The following PIK3C2G variants were observed in gnomAD, a reference collection of about 807,000 sequenced individuals.
PIK3C2G encodes phosphatidylinositol 3-kinase C2 domain-containing subunit gamma.
PIK3C2G carries 168 observed loss-of-function variants against 181.1 expected under a neutral mutation model. That is an observed-to-expected ratio of 0.93 (90% CI 0.82 to 1.05). PIK3C2G has a LOEUF of 1.05. Among genes scored for constraint, PIK3C2G ranks in the 50% least tolerant of loss-of-function variants. The pLI, the probability that PIK3C2G is intolerant of heterozygous loss-of-function variation, is 0.00. For missense variants in PIK3C2G, 1,869 were observed against 1,732.8 expected, an observed-to-expected ratio of 1.08 and a Z score of -1.40; for synonymous variants, 573 against 592.2, an observed-to-expected ratio of 0.97 and a Z score of 0.47.
At chr12:18,527,686 A>C (rs1943316678) in intron 24 of PIK3C2G, among the ~76,000 whole-genome samples, 1 of 152,184 alleles carries the variant, frequency 6.6e-6, no homozygotes, top group African/African-American at 2.4e-5. Flanking sequence ...AAAGAAAAAA[A>C]AAAAGTGGGC....
At chr12:18,426,555 C>A (rs1259302448) in intron 18 of PIK3C2G, among the ~76,000 whole-genome samples, 1 of 152,086 alleles carries the variant, frequency 6.6e-6, no homozygotes, top group Non-Finnish European at 1.5e-5. Flanking sequence ...AAAGTTTTAA[C>A]AATTATAAGT....
Position 18,562,869 on chromosome 12 carries a change from G to A in PIK3C2G, c.3757G>A (p.Gly1253Arg). 2 of 1,601,068 alleles carry A rather than the reference G, an allele frequency of 1.2e-6. No individual in the cohort carries two copies. Among genetic ancestry groups the A allele is most frequent in the Non-Finnish European group, 1.7e-6 (2 of 1,172,740 alleles). Residue 1253 changes from glycine (G) to arginine (R), a missense_variant, in exon 27 of 33, where the codon GGG becomes AGG. Physicochemically the swap from Gly to Arg is moderately radical, Grantham distance 125. Transcript: ENST00000538779. ...TRSIERATIL[G>R]FSKKSSNLYL... ...GTCGATTGAAAGAGCAACAATTTTA[G>A]GGTTCAGCAAGAAATCCAGTAATGT...
intron 24 of PIK3C2G, among the ~76,000 whole-genome samples, chr12:18,506,563 G>A (rs1941851236): frequency 6.6e-6 from 1 of 152,138 alleles, no homozygotes; most frequent in Non-Finnish European, 1.5e-5. Context: ...ATGAACTGGA[G>A]GAGGGGCACA....
intron 31 of PIK3C2G, among the ~76,000 whole-genome samples, chr12:18,616,822 T>C (rs185909196): frequency 2.0e-4 from 30 of 152,306 alleles, no homozygotes; most frequent in African/African-American, 7.0e-4. Context: ...ATTTTTGTTT[T>C]ATAAAATTGT....
At chr12:18,419,518 G>A (rs1945359986) in intron 16 of PIK3C2G, among the ~76,000 whole-genome samples, 1 of 152,144 alleles carries the variant, frequency 6.6e-6, no homozygotes, top group South Asian at 2.1e-4. Context: ...ACTAAAACAA[G>A]CTGAACTGCT....
intron 5 of PIK3C2G, among the ~76,000 whole-genome samples, chr12:18,294,678 AACAAATAAT>A (rs1436185037): frequency 6.6e-6 from 1 of 152,016 alleles, no homozygotes; most frequent in Non-Finnish European, 1.5e-5. Flanking sequence ...ACCAGTCTTG[AACAAATAAT>A]ACAGCTTTAA....
chr12:18,308,538 A>T (rs1950512480), intron 5 of PIK3C2G, among the ~76,000 whole-genome samples: 1 of 151,250 alleles, frequency 6.6e-6, no homozygotes, highest in Admixed American at 6.6e-5. Flanking sequence ...AGGCTCCTTT[A>T]TCTATCTCTG....
chr12:18,338,415 G>T lies in PIK3C2G; in HGVS notation c.1273-11G>T. 1 of 1,533,546 alleles carries T rather than the reference G, an allele frequency of 6.5e-7. No homozygotes were observed. The allele number at this position is 1,533,546 out of a possible 1,614,324, so 95.0% of individuals were successfully genotyped here. ...CAATAGATTGTAAGATGTGAATCTTGTTATCTACAGGAAAACGTGTATAAT... is the reference window on the plus strand; with the variant it reads ...CAATAGATTGTAAGATGTGAATCTTTTTATCTACAGGAAAACGTGTATAAT... On this transcript the variant is annotated splice_polypyrimidine_tract_variant and intron_variant, in intron 8 of 32. Transcript: ENST00000538779.
chr12:18,492,326 AC>A (rs1345995984), intron 20 of PIK3C2G, among the ~76,000 whole-genome samples: 1 of 152,340 alleles, frequency 6.6e-6, no homozygotes, highest in African/African-American at 2.4e-5. Context: ...AGTCAAGAAA[AC>A]AAACCCAATA....
the PIK3C2G span, chr12:18,693,810 G>C: frequency 2.1e-5 from 32 of 1,522,178 alleles, no homozygotes; most frequent in Non-Finnish European, 2.9e-5. Flanking sequence ...ATCAGACCAG[G>C]CCGCATTGGC....
intron 13 of PIK3C2G, chr12:18,372,618 AT>A (rs749396262): frequency 6.6e-6 from 1 of 152,186 alleles, no homozygotes; most frequent in East Asian, 1.9e-4. Context: ...AAGATCTACC[AT>A]TTTTTGTAGA....
the PIK3C2G span, among the ~76,000 whole-genome samples, chr12:18,676,546 G>A: frequency 6.6e-6 from 1 of 152,144 alleles, no homozygotes; most frequent in African/African-American, 2.4e-5. Context: ...TGGTAGTTAT[G>A]TTCATTTTAT....
At chr12:18,538,525 C>T (rs945863866) in intron 25 of PIK3C2G, among the ~76,000 whole-genome samples, 4 of 151,812 alleles carry the variant, frequency 2.6e-5, no homozygotes, top group Admixed American at 6.6e-5. Context: ...CATTCCTATT[C>T]GTATCAATAT....
chr12:18,487,396 C>A (rs2136047201), intron 18 of PIK3C2G, among the ~76,000 whole-genome samples: 1 of 151,950 alleles, frequency 6.6e-6, no homozygotes, highest in Non-Finnish European at 1.5e-5. Context: ...ATTAGGCATG[C>A]AGAATAAAAC....
chr12:18,413,258 A>C (rs1592196402), intron 16 of PIK3C2G, among the ~76,000 whole-genome samples: 2 of 152,096 alleles, frequency 1.3e-5, no homozygotes, highest in South Asian at 4.1e-4. Flanking sequence ...CTCAACTTGG[A>C]GGCCAATTAA....
At chr12:18,448,990 C>T (rs1947186296) in intron 18 of PIK3C2G, among the ~76,000 whole-genome samples, 1 of 151,970 alleles carries the variant, frequency 6.6e-6, no homozygotes, top group African/African-American at 2.4e-5. Context: ...TTATTTATTT[C>T]TGGGTTCATA....
intron 1 of PIK3C2G, among the ~76,000 whole-genome samples, chr12:18,274,655 G>A (rs1292856213): frequency 6.6e-6 from 1 of 152,140 alleles, no homozygotes; most frequent in Non-Finnish European, 1.5e-5. Flanking sequence ...GACTGTTGTG[G>A]GGTGGGGGCA....
At chr12:18,701,562 T>C in the PIK3C2G span, 3 of 1,613,942 alleles carry the variant, frequency 1.9e-6, no homozygotes, top group Non-Finnish European at 2.5e-6. Flanking sequence ...CTTGTCTTGA[T>C]TGTCTCCTAA....
At chr12:18,579,292 A>C (rs2136413835) in intron 29 of PIK3C2G, among the ~76,000 whole-genome samples, 1 of 152,332 alleles carries the variant, frequency 6.6e-6, no homozygotes, top group East Asian at 1.9e-4. Flanking sequence ...AAAGTAGAAA[A>C]TGTAGCTTTA....
Sources: gnomAD v4.1 joint callset for allele counts (sites outside exome capture counted in the v4.1 genomes callset) on GRCh38, gnomAD v4.1.1 for gene constraint, MANE v1.5 for transcripts, NCBI Gene and HGNC (gene_info 2026-07-23, HGNC 2026-07-21) for gene names.